Variants in RASA1 observed in about 807,000 individuals in gnomAD.
RASA1 encodes the protein ras GTPase-activating protein 1.
In RASA1, 25 loss-of-function variants were observed where a neutral mutation model predicts 132.2. The ratio of observed to expected loss-of-function variants is 0.19; its 90% CI spans 0.14 to 0.26. The LOEUF (loss-of-function observed/expected upper bound fraction) is 0.26. Among genes scored for constraint, RASA1 ranks in the 10% least tolerant of loss-of-function variants. The probability of loss-of-function intolerance (pLI) is 1.00; values close to 1 mark genes in which losing one functional copy is unlikely to be tolerated. For synonymous variants in RASA1, 477 were observed against 449.9 expected, an observed-to-expected ratio of 1.06 and a Z score of -0.76; for missense variants, 964 against 1,299.2, an observed-to-expected ratio of 0.74 and a Z score of 3.97.
chr5:87,337,913 C>G, intron 4 of RASA1, 61 bp from the exon 5 acceptor site: 1 of 1,483,824 alleles, frequency 6.7e-7, no homozygotes, highest in Non-Finnish European at 9.1e-7. Context: ...TGGTATATGA[C>G]TATTCTAATC....
intron 1 of RASA1, among the ~76,000 whole-genome samples, chr5:87,282,263 AT>A (rs1754351991): frequency 6.6e-6 from 1 of 152,064 alleles, no homozygotes; most frequent in African/African-American, 2.4e-5. Flanking sequence ...GCTAGTAACA[AT>A]TTATTCGTTT....
intron 1 of RASA1, among the ~76,000 whole-genome samples, chr5:87,301,808 C>G (rs1432021991): frequency 6.6e-6 from 1 of 152,030 alleles, no homozygotes; most frequent in African/African-American, 2.4e-5. Flanking sequence ...TCAACCTTTA[C>G]TATCTATTCT....
chr5:87,347,695 A>G (rs998632409), intron 7 of RASA1, among the ~76,000 whole-genome samples: 6 of 151,996 alleles, frequency 3.9e-5, no homozygotes, highest in South Asian at 2.1e-4. Flanking sequence ...GTGAAGCTGT[A>G]GGTTAAGTAG....
Position 87,338,536 on chromosome 5 carries a change from A to ATATATATATATATTT in RASA1, c.1017+446_1017+447insATATATATATATTTT. Among the ~76,000 whole-genome samples, 140 of 85,150 alleles carry ATATATATATATATTT rather than the reference A, an allele frequency of 1.6e-3. 6 individuals are homozygous for ATATATATATATATTT. Among genetic ancestry groups the ATATATATATATATTT allele is most frequent in the Middle Eastern group, 0.015 (2 of 134 alleles). 55.9% of individuals were successfully genotyped at this position (85,150 alleles called of 152,430 possible). On this transcript the variant is annotated intron_variant, in intron 5 of 24. Transcript: ENST00000274376. ...ATATATATATATATATATATATAAA[A>ATATATATATATATTT]TTTTTTTTTTTTTTAAGTAGAAATG...
At chr5:87,377,391 CGCAGTCT>C (rs1301004723) in intron 17 of RASA1, among the ~76,000 whole-genome samples, 2 of 152,124 alleles carry the variant, frequency 1.3e-5, no homozygotes, top group Non-Finnish European at 2.9e-5. Flanking sequence ...AGTGCAGTGG[CGCAGTCT>C]CGGCTCACTG....
intron 1 of RASA1, among the ~76,000 whole-genome samples, chr5:87,279,739 A>G (rs1037845388): frequency 8.5e-5 from 13 of 152,218 alleles, no homozygotes; most frequent in Admixed American, 3.9e-4. Context: ...ACATTTTTCT[A>G]ATGTCTAATT....
At chr5:87,270,241 CAA>C (rs112792931) in intron 1 of RASA1, among the ~76,000 whole-genome samples, 44 of 59,952 alleles carry the variant, frequency 7.3e-4, no homozygotes, top group African/African-American at 1.0e-3. Context: ...GACTCTGTCT[CAA>C]AAAAAAAAAA....
intron 17 of RASA1, among the ~76,000 whole-genome samples, chr5:87,378,169 T>TA (rs1761451175): frequency 1.3e-5 from 2 of 152,224 alleles, no homozygotes; most frequent in African/African-American, 4.8e-5. Context: ...ATGGCAGTGT[T>TA]AATCCCTTCT....
At chr5:87,274,999 T>G (rs1754004133) in intron 1 of RASA1, among the ~76,000 whole-genome samples, 1 of 152,186 alleles carries the variant, frequency 6.6e-6, no homozygotes, top group South Asian at 2.1e-4. Flanking sequence ...AGAATCGGTA[T>G]GGATCATTGA....
At chr5:87,390,028 G>A (rs985104306) in intron 24 of RASA1, among the ~76,000 whole-genome samples, 3 of 152,128 alleles carry the variant, frequency 2.0e-5, no homozygotes, top group African/African-American at 7.2e-5. Flanking sequence ...TAGGTATTCC[G>A]ATGCAAGTGA....
chr5:87,273,281 CTATT>C (rs1396931786), intron 1 of RASA1, among the ~76,000 whole-genome samples: 13 of 151,992 alleles, frequency 8.6e-5, no homozygotes, highest in East Asian at 1.9e-4. Context: ...GTAATTTGTA[CTATT>C]TATTTGAATA....
chr5:87,331,329 TTC>T lies in RASA1; in HGVS notation c.540-15_540-14del, dbSNP rs1561286651. The T allele has an allele frequency of 1.7e-5, 27 of 1,581,162 alleles. No homozygotes were observed. The highest frequency in any genetic ancestry group is 2.3e-5 in the Non-Finnish European group (26 of 1,150,382). ...CACTTGCTATTTATATTGTAATATC[TTC>T]TCTGTTTTTCCCCTAGGTGGTATCA... On this transcript the variant is annotated splice_polypyrimidine_tract_variant and intron_variant, in intron 1 of 24. Transcript: ENST00000274376.
chr5:87,356,657 G>A (rs1053361849), intron 9 of RASA1, among the ~76,000 whole-genome samples: 1 of 152,166 alleles, frequency 6.6e-6, no homozygotes, highest in Non-Finnish European at 1.5e-5. Flanking sequence ...ACAGTTGTGA[G>A]CCACTTTGGT....
At chr5:87,304,830 A>C (rs1755534646) in intron 1 of RASA1, among the ~76,000 whole-genome samples, 1 of 150,674 alleles carries the variant, frequency 6.6e-6, no homozygotes, top group African/African-American at 2.4e-5. Flanking sequence ...TTGTTTACAC[A>C]TGTATTTACT....
At chr5:87,322,744 G>A (rs907099792) in intron 1 of RASA1, among the ~76,000 whole-genome samples, 3 of 152,178 alleles carry the variant, frequency 2.0e-5, no homozygotes, top group Non-Finnish European at 4.4e-5. Flanking sequence ...AGGGCTATGG[G>A]AGTTATAAGC....
chr5:87,314,854 T>C (rs1756202503), intron 1 of RASA1, among the ~76,000 whole-genome samples: 1 of 152,230 alleles, frequency 6.6e-6, no homozygotes, highest in Non-Finnish European at 1.5e-5. Context: ...TTAGGAATTA[T>C]TTACATTGTT....
intron 23 of RASA1, 36 bp downstream of exon 23, chr5:87,386,939 T>G (rs1762102904): frequency 1.3e-6 from 2 of 1,523,224 alleles, no homozygotes; most frequent in Non-Finnish European, 1.8e-6. Context: ...TTTTTAAGAC[T>G]TCTAGTTGAT....
chr5:87,313,080 G>A (rs1246537046), intron 1 of RASA1, among the ~76,000 whole-genome samples: 1 of 152,188 alleles, frequency 6.6e-6, no homozygotes, highest in East Asian at 1.9e-4. Context: ...ATCTTTGAGT[G>A]TCAACAAGTT....
chr5:87,373,719 T>TA (rs1210998384), intron 13 of RASA1, among the ~76,000 whole-genome samples: 1 of 152,186 alleles, frequency 6.6e-6, no homozygotes, highest in Non-Finnish European at 1.5e-5. Context: ...GTCAGTGTTT[T>TA]AAAAATTTTT....
Sources: allele counts gnomAD v4.1 joint callset (sites outside exome capture counted in the v4.1 genomes callset), GRCh38; gene constraint gnomAD v4.1.1; transcripts MANE v1.5; gene names NCBI Gene and HGNC (gene_info 2026-07-23, HGNC 2026-07-21).